TMEM132D: variants seen among roughly 807,000 people sequenced by gnomAD.
TMEM132D encodes the protein mature OL transmembrane protein.
In TMEM132D, 21 loss-of-function variants were observed where a neutral mutation model predicts 62.3. That is an observed-to-expected ratio of 0.34 (90% CI 0.24 to 0.49). The LOEUF is 0.49. Among genes scored for constraint, TMEM132D ranks in the 20% least tolerant of loss-of-function variants. TMEM132D has a pLI of 0.99. For synonymous variants in TMEM132D, 621 were observed against 575.6 expected, an observed-to-expected ratio of 1.08 and a Z score of -1.13; for missense variants, 1,346 against 1,402.8, an observed-to-expected ratio of 0.96 and a Z score of 0.65.
chr12:129,312,931 T>C (rs1009353286), intron 4 of TMEM132D, among the ~76,000 whole-genome samples: 7 of 152,208 alleles, frequency 4.6e-5, no homozygotes, highest in Non-Finnish European at 1.0e-4. Flanking sequence ...GGTGGAACTA[T>C]TAGGATCAAC....
intron 3 of TMEM132D, among the ~76,000 whole-genome samples, chr12:129,497,091 T>G (rs962513357): frequency 6.6e-6 from 1 of 152,132 alleles, no homozygotes; most frequent in Admixed American, 6.6e-5. Flanking sequence ...GTGGATCACC[T>G]GAGGTCAGCA....
intron 2 of TMEM132D, among the ~76,000 whole-genome samples, chr12:129,592,928 G>T (rs1353238074): frequency 6.6e-6 from 1 of 152,140 alleles, no homozygotes; most frequent in Non-Finnish European, 1.5e-5. Context: ...ATGTACATGT[G>T]CTGTCTATTC....
intron 1 of TMEM132D, among the ~76,000 whole-genome samples, chr12:129,890,585 T>C (rs1159306968): frequency 6.6e-6 from 1 of 152,178 alleles, no homozygotes; most frequent in Non-Finnish European, 1.5e-5. Context: ...AGAAGCACAA[T>C]TGTGGAAAAG....
intron 2 of TMEM132D, among the ~76,000 whole-genome samples, chr12:129,635,591 C>T (rs535793794): frequency 8.5e-5 from 13 of 152,328 alleles, no homozygotes; most frequent in Admixed American, 3.9e-4. Flanking sequence ...CTGAAACCAG[C>T]GCTCAGGGGA....
At chr12:129,669,551 A>G (rs1430984957) in intron 2 of TMEM132D, among the ~76,000 whole-genome samples, 1 of 152,066 alleles carries the variant, frequency 6.6e-6, no homozygotes, top group African/African-American at 2.4e-5. Context: ...CTAAAAATAC[A>G]AAATTTAGCC....
chr12:129,141,742 T>C (rs143194229), intron 5 of TMEM132D, among the ~76,000 whole-genome samples: 206 of 152,074 alleles, frequency 1.4e-3, no homozygotes, highest in Non-Finnish European at 2.3e-3. Context: ...AAGTTAGAAA[T>C]GACAGACACT....
At chr12:129,262,072 C>A (rs191644601) in intron 4 of TMEM132D, among the ~76,000 whole-genome samples, 2 of 152,034 alleles carry the variant, frequency 1.3e-5, no homozygotes, top group South Asian at 4.1e-4. Flanking sequence ...TTTCTGGAAA[C>A]CCCTGGCTGA....
chr12:129,270,512 C>T (rs1016084048), intron 4 of TMEM132D, among the ~76,000 whole-genome samples: 9 of 152,158 alleles, frequency 5.9e-5, no homozygotes, highest in African/African-American at 9.7e-5. Flanking sequence ...ATGTACCGTA[C>T]GTACACAAAT....
At chr12:129,669,052 C>A (rs1041212824) in intron 2 of TMEM132D, among the ~76,000 whole-genome samples, 15 of 152,202 alleles carry the variant, frequency 9.9e-5, no homozygotes, top group Non-Finnish European at 2.1e-4. Flanking sequence ...AGGGTACAAA[C>A]CCATGGCTGG....
At position 129,549,025 on chromosome 12, in the gene TMEM132D, C is replaced by T. The variant is rs542301294; in HGVS notation, c.969-17820G>A. On this transcript the variant is annotated intron_variant, in intron 2 of 8. Transcript: ENST00000422113. The stretch of plus-strand genomic sequence containing the variant: ...GAATTGTATCACCATTTCCTCCAGA[C>T]ACACAGTGAAATTCACTTCCTGATA... Among the ~76,000 whole-genome samples the T allele has an allele frequency of 1.8e-4, 27 of 152,356 alleles. No individual in the cohort carries two copies. The South Asian group carries it at 5.2e-3, about 29-fold the overall frequency.
chr12:129,429,650 T>C (rs1593004694), intron 3 of TMEM132D, among the ~76,000 whole-genome samples: 1 of 151,486 alleles, frequency 6.6e-6, no homozygotes, highest in Admixed American at 6.6e-5. Flanking sequence ...TTGTTACATA[T>C]GTATACATGT....
chr12:129,135,681 G>T (rs1876537250), intron 5 of TMEM132D, among the ~76,000 whole-genome samples: 1 of 152,166 alleles, frequency 6.6e-6, no homozygotes, highest in Non-Finnish European at 1.5e-5. Context: ...AGTTGTGAAG[G>T]TCTAGAATTA....
chr12:129,799,581 C>T (rs1177430390), intron 1 of TMEM132D, among the ~76,000 whole-genome samples: 3 of 152,054 alleles, frequency 2.0e-5, no homozygotes, highest in African/African-American at 4.8e-5. Flanking sequence ...CATAGTGAGG[C>T]ACAGATGGTG....
At chr12:129,839,085 G>C (rs1216600921) in intron 1 of TMEM132D, among the ~76,000 whole-genome samples, 2 of 137,010 alleles carry the variant, frequency 1.5e-5, no homozygotes, top group South Asian at 2.3e-4. Context: ...CAATTAGCTG[G>C]GATTACAGGC....
intron 2 of TMEM132D, among the ~76,000 whole-genome samples, chr12:129,567,434 T>G (rs1272497662): frequency 1.3e-5 from 2 of 152,202 alleles, no homozygotes; most frequent in Non-Finnish European, 2.9e-5. Context: ...CAAGTTTTAG[T>G]GTAGTATTAA....
At chr12:129,103,425 T>C (rs532180766) in intron 5 of TMEM132D, among the ~76,000 whole-genome samples, 3 of 152,316 alleles carry the variant, frequency 2.0e-5, no homozygotes, top group African/African-American at 7.2e-5. Flanking sequence ...ACGCCCAGAT[T>C]TGGAGGAGCC....
chr12:129,191,780 T>C (rs572028706), intron 5 of TMEM132D, among the ~76,000 whole-genome samples: 5 of 150,130 alleles, frequency 3.3e-5, no homozygotes, highest in East Asian at 2.0e-4. Flanking sequence ...CACACACACA[T>C]ACACACACAC....
At chr12:129,205,314 G>A (rs1484277743) in intron 5 of TMEM132D, among the ~76,000 whole-genome samples, 1 of 146,186 alleles carries the variant, frequency 6.8e-6, no homozygotes, top group African/African-American at 2.5e-5. Context: ...TAAAGGGATG[G>A]AGAAAAATCT....
intron 1 of TMEM132D, among the ~76,000 whole-genome samples, chr12:129,838,504 T>C (rs1279145788): frequency 6.6e-6 from 1 of 152,152 alleles, no homozygotes; most frequent in African/African-American, 2.4e-5. Flanking sequence ...CTAACCCCCT[T>C]CCACTGAATC....
Sources: gnomAD v4.1 joint callset for allele counts (sites outside exome capture counted in the v4.1 genomes callset) on GRCh38, gnomAD v4.1.1 for gene constraint, MANE v1.5 for transcripts, NCBI Gene and HGNC (gene_info 2026-07-23, HGNC 2026-07-21) for gene names.